Variants in CRIM1 observed in about 807,000 individuals in gnomAD.
The protein encoded by CRIM1 is cysteine rich transmembrane BMP regulator 1.
CRIM1 carries 32 observed loss-of-function variants against 116.4 expected under a neutral mutation model. That is an observed-to-expected ratio of 0.27 (90% CI 0.21 to 0.37). CRIM1 has a LOEUF of 0.37. Among genes scored for constraint, CRIM1 ranks in the 10% least tolerant of loss-of-function variants. CRIM1 has a pLI of 1.00. For synonymous variants in CRIM1, 590 were observed against 509.2 expected, an observed-to-expected ratio of 1.16 and a Z score of -2.13; for missense variants, 1,331 against 1,354.8, an observed-to-expected ratio of 0.98 and a Z score of 0.28.
intron 7 of CRIM1, among the ~76,000 whole-genome samples, chr2:36,480,058 A>G (rs1410683023): frequency 6.6e-6 from 1 of 152,214 alleles, no homozygotes; most frequent in Non-Finnish European, 1.5e-5. Flanking sequence ...TTGACTTGTG[A>G]TGCTTCCATA....
chr2:36,523,384 C>T (rs554710319), intron 13 of CRIM1, among the ~76,000 whole-genome samples: 9 of 152,228 alleles, frequency 5.9e-5, no homozygotes, highest in East Asian at 5.8e-4. Flanking sequence ...TCTTGTGACC[C>T]GTGGTGGTGA....
chr2:36,522,461 A>G (rs1665458481), intron 13 of CRIM1, 148 bp downstream of exon 13: 1 of 647,106 alleles, frequency 1.5e-6, no homozygotes. Context: ...AACACTGAGC[A>G]GAAGAAAGAT....
intron 8 of CRIM1, among the ~76,000 whole-genome samples, chr2:36,500,064 CG>C: frequency 6.6e-6 from 1 of 152,162 alleles, no homozygotes; most frequent in East Asian, 1.9e-4. Context: ...TGGTGGCTCA[CG>C]CTTATAATTT....
rs558521887 is a variant in CRIM1, at chr2:36,461,398, G to C, written c.870-3136G>C. Among the ~76,000 whole-genome samples the C allele has an allele frequency of 8.5e-5, 13 of 152,326 alleles. 1 individual carries two copies. In the South Asian group the frequency reaches 2.7e-3, roughly 32 times the overall value. On this transcript the variant is annotated intron_variant, in intron 4 of 16. Transcript: ENST00000280527. ...TAGGGAGGACAAAAAGAATTAAAAT[G>C]AAGAGAAAGAATGTGGTGAGGACGG...
rs541925650 is a variant in CRIM1 at position 36,549,375 on chromosome 2, G to A, written c.*674G>A. On this transcript the variant is annotated 3_prime_UTR_variant, in exon 17 of 17. Transcript: ENST00000280527. ...AAGGATATATACAGTTACACTTTTT[G>A]CTGCTTTTATTTTCTTCCAAGCCAA... 6.6e-6 allele frequency: 1 copy of A among 152,594 alleles called. No individual in the cohort carries two copies. The highest frequency in any genetic ancestry group is 2.1e-4 in the South Asian group (1 of 4,826). The allele number at this position is 152,594 out of a possible 1,614,324, so 9.5% of individuals were successfully genotyped here.
chr2:36,442,422 T>C (rs1675918416), intron 3 of CRIM1, among the ~76,000 whole-genome samples, 193 bp from the exon 4 acceptor site: 1 of 152,178 alleles, frequency 6.6e-6, no homozygotes, highest in Admixed American at 6.5e-5. Flanking sequence ...CATCCCCACC[T>C]CTTTCCTTAC....
intron 1 of CRIM1, among the ~76,000 whole-genome samples, chr2:36,391,675 G>A (rs990572139): frequency 3.9e-5 from 6 of 152,078 alleles, no homozygotes; most frequent in African/African-American, 1.4e-4. Context: ...TCAAAGTGTG[G>A]GCTACAGACC....
chr2:36,456,785 C>G (rs946940801), intron 4 of CRIM1, among the ~76,000 whole-genome samples: 4 of 152,134 alleles, frequency 2.6e-5, no homozygotes, highest in Non-Finnish European at 4.4e-5. Flanking sequence ...CTCCACCCCC[C>G]CACCACCCAC....
Position 36,547,139 on chromosome 2 carries a change from C to A in CRIM1, c.2902C>A (p.Pro968Thr), listed in dbSNP as rs1331151648. Reference sequence around the variant, plus strand: ...CATCAATCAGAAGAAACAGTGGATACCACTGCTTTGCTGGTATCGAACACC... The same window carrying A: ...CATCAATCAGAAGAAACAGTGGATAACACTGCTTTGCTGGTATCGAACACC... The part of the protein sequence containing the change: ...LFINQKKQWI[P>T]LLCWYRTPTK... Residue 968 changes from proline to threonine, a missense_variant, in exon 16 of 17, where the codon CCA becomes ACA. Physicochemically the swap from Pro to Thr is conservative, Grantham distance 38. Coordinates refer to ENST00000280527, the MANE Select transcript of CRIM1 (RefSeq NM_016441.3). The A allele has an allele frequency of 6.2e-7, 1 of 1,612,832 alleles. No homozygotes were observed. The highest frequency in any genetic ancestry group is 8.5e-7 in the Non-Finnish European group (1 of 1,179,320).
intron 7 of CRIM1, among the ~76,000 whole-genome samples, chr2:36,479,905 A>T (rs1679277797): frequency 6.6e-6 from 1 of 152,226 alleles, no homozygotes. Flanking sequence ...TTATTTTGCC[A>T]TTGCAAATAT....
intron 8 of CRIM1, among the ~76,000 whole-genome samples, chr2:36,503,446 G>A (rs1324739669): frequency 6.6e-6 from 1 of 152,176 alleles, no homozygotes; most frequent in African/African-American, 2.4e-5. Context: ...GCTGGCATAT[G>A]GCCGTTGCTT....
chr2:36,492,259 CTGAGA>C (rs1188595179), intron 7 of CRIM1, among the ~76,000 whole-genome samples: 7 of 152,120 alleles, frequency 4.6e-5, no homozygotes, highest in Admixed American at 2.0e-4. Flanking sequence ...ATAAACTGCT[CTGAGA>C]TAAGTACTTC....
At chr2:36,531,126 C>A (rs753263596) in intron 13 of CRIM1, among the ~76,000 whole-genome samples, 1 of 152,222 alleles carries the variant, frequency 6.6e-6, no homozygotes, top group South Asian at 2.1e-4. Context: ...GAGTAAATTA[C>A]TTTTCAGGAC....
Position 36,484,666 on chromosome 2 carries a change from GGC to G in CRIM1, c.1372+4973_1372+4974del, listed in dbSNP as rs1382420485. ...GGCTGCGGCTGGACCCTGCCCAGGT[GGC>G]CACTGTGATCTGAGTGTTCTTCAGG... On this transcript the variant is annotated intron_variant, in intron 7 of 16. Coordinates refer to ENST00000280527, the MANE Select transcript of CRIM1 (RefSeq NM_016441.3). Among the ~76,000 whole-genome samples the G allele has an allele frequency of 2.0e-5, 3 of 152,120 alleles. No individual in the cohort carries two copies. In the South Asian group the frequency reaches 6.2e-4, roughly 32 times the overall value.
At chr2:36,507,870 G>C (rs1003830012) in intron 8 of CRIM1, among the ~76,000 whole-genome samples, 1 of 152,200 alleles carries the variant, frequency 6.6e-6, no homozygotes, top group African/African-American at 2.4e-5. Context: ...AGGTGCTCAG[G>C]CTCCAAAATT....
At chr2:36,469,725 G>A (rs749766999) in intron 5 of CRIM1, among the ~76,000 whole-genome samples, 1 of 152,132 alleles carries the variant, frequency 6.6e-6, no homozygotes, top group Non-Finnish European at 1.5e-5. Flanking sequence ...TTCTAAGGAC[G>A]TAATGTCTTC....
chr2:36,514,371 G>C (rs569710133), intron 11 of CRIM1, among the ~76,000 whole-genome samples: 2 of 152,144 alleles, frequency 1.3e-5, no homozygotes, highest in Non-Finnish European at 2.9e-5. Flanking sequence ...AATTATGATT[G>C]TCAATAACAG....
chr2:36,534,548 A>G lies in CRIM1; in HGVS notation c.2429-2804A>G, dbSNP rs367800018. Reference sequence around the variant, plus strand: ...AAGGGAGGGAGAGGAAGGAAGGGAGAGAGGGAGGGACAGGAAGGAAGGGAG... The same window carrying G: ...AAGGGAGGGAGAGGAAGGAAGGGAGGGAGGGAGGGACAGGAAGGAAGGGAG... On this transcript the variant is annotated intron_variant, in intron 13 of 16. Transcript: ENST00000280527. Among the ~76,000 whole-genome samples the G allele has an allele frequency of 9.9e-4, 107 of 108,482 alleles. 1 individual carries two copies. The highest frequency in any genetic ancestry group is 3.9e-3 in the African/African-American group (103 of 26,568). 71.2% of individuals were successfully genotyped at this position (108,482 alleles called of 152,430 possible).
At chr2:36,480,464 A>G (rs1679322357) in intron 7 of CRIM1, among the ~76,000 whole-genome samples, 1 of 152,242 alleles carries the variant, frequency 6.6e-6, no homozygotes, top group Non-Finnish European at 1.5e-5. Context: ...TTGCATAGTA[A>G]AATGAACTAA....
Sources: gnomAD v4.1 joint callset for allele counts (sites outside exome capture counted in the v4.1 genomes callset) on GRCh38, gnomAD v4.1.1 for gene constraint, MANE v1.5 for transcripts, NCBI Gene and HGNC (gene_info 2026-07-23, HGNC 2026-07-21) for gene names.